SPRING1: variants seen among roughly 807,000 people sequenced by gnomAD.
The protein encoded by SPRING1 is SREBP regulating gene protein.
SPRING1 carries 14 observed loss-of-function variants against 24.7 expected under a neutral mutation model. The observed-to-expected ratio is 0.57, with a 90% CI of 0.37 to 0.88. The LOEUF (loss-of-function observed/expected upper bound fraction) is 0.88. Ranked by LOEUF, SPRING1 falls within the 40% of genes least tolerant of loss-of-function variation. The probability of loss-of-function intolerance (pLI) is 0.00; values close to 1 mark genes in which losing one functional copy is unlikely to be tolerated. For synonymous variants in SPRING1, 93 were observed against 106.1 expected, an observed-to-expected ratio of 0.88 and a Z score of 0.76; for missense variants, 255 against 268.4, an observed-to-expected ratio of 0.95 and a Z score of 0.35.
At position 116,726,222 on chromosome 12, in the gene SPRING1, G is replaced by A. The variant is rs117561409; in HGVS notation, c.112-2999C>T. ...CCTCTATAGATCAATATTAGGCCCA[G>A]GTTTTTGTTATCATAGATAATACTG... On this transcript the variant is annotated intron_variant, in intron 1 of 4. Transcript: ENST00000261318. Among the ~76,000 whole-genome samples, 1,482 of 152,258 alleles carry A rather than the reference G, an allele frequency of 9.7e-3. 12 individuals are homozygous for A. Among genetic ancestry groups the A allele is most frequent in the Middle Eastern group, 0.017 (5 of 294 alleles).
rs1555254868 is a variant in SPRING1 at position 116,711,028 on chromosome 12, C to CACGCAT, written c.*6781_*6782insATGCGT. ...TGTTACACACACACACACACACACA[C>CACGCAT]GCACACACAGAGCCAATGTATGGAA... On this transcript the variant is annotated 3_prime_UTR_variant, in exon 5 of 5. Coordinates refer to ENST00000261318, the MANE Select transcript of SPRING1 (RefSeq NM_024738.4). 1 of 151,766 alleles carries CACGCAT rather than the reference C, an allele frequency of 6.6e-6. No homozygotes were observed. The highest frequency in any genetic ancestry group is 1.5e-5 in the Non-Finnish European group (1 of 67,990). 9.4% of individuals were successfully genotyped at this position (151,766 alleles called of 1,614,324 possible).
intron 1 of SPRING1, 25 bp downstream of exon 1, chr12:116,737,765 G>C: frequency 6.5e-7 from 1 of 1,534,020 alleles, no homozygotes. Flanking sequence ...AAGGGAAGGG[G>C]AGGAGGGGAA....
At position 116,713,577 on chromosome 12, in the gene SPRING1, G is replaced by A. The variant is rs2137023885; in HGVS notation, c.*4233C>T. On this transcript the variant is annotated 3_prime_UTR_variant, in exon 5 of 5. Coordinates refer to ENST00000261318, the MANE Select transcript of SPRING1 (RefSeq NM_024738.4). ...ATACACACTAGGTGAATATATTGGT[G>A]AAAATAGTTCAGATAAACATACAAC... is the stretch of plus-strand genomic sequence containing the variant. 6.6e-6 allele frequency: 1 copy of A among 152,324 alleles called. No homozygotes were observed. The highest frequency in any genetic ancestry group is 2.1e-4 in the South Asian group (1 of 4,826). 9.4% of individuals were successfully genotyped at this position (152,324 alleles called of 1,614,324 possible).
At position 116,717,900 on chromosome 12, in the gene SPRING1, G is replaced by T. The variant is rs112311710; in HGVS notation, c.535-7C>A. 8.8e-6 allele frequency: 14 copies of T among 1,595,140 alleles called. No homozygotes were observed. The highest frequency in any genetic ancestry group is 5.4e-5 in the African/African-American group (4 of 74,482). ...TGTTCTCATGCTGCACGCTCTGTTG[G>T]CAAAAGGAAAATAAGAGCGCAGTGA... On this transcript the variant is annotated splice_region_variant and splice_polypyrimidine_tract_variant and intron_variant, in intron 4 of 4. Coordinates refer to ENST00000261318, the MANE Select transcript of SPRING1 (RefSeq NM_024738.4). This position sits in a 1 kb window ranked among gnomAD's most constrained non-coding sequence, Gnocchi z 4.2.
At chr12:116,734,144 TA>T (rs2137046949) in intron 1 of SPRING1, among the ~76,000 whole-genome samples, 1 of 152,346 alleles carries the variant, frequency 6.6e-6, no homozygotes, top group Admixed American at 6.5e-5. Flanking sequence ...CCCAAACTGC[TA>T]GGATTACAGG....
intron 1 of SPRING1, among the ~76,000 whole-genome samples, chr12:116,723,891 G>A (rs887328359): frequency 7.9e-5 from 12 of 152,152 alleles, no homozygotes; most frequent in African/African-American, 2.9e-4. Flanking sequence ...GGAGTCAAGA[G>A]TTGAAGATCA....
chr12:116,723,723 T>C (rs1167426705), intron 1 of SPRING1, among the ~76,000 whole-genome samples: 1 of 152,172 alleles, frequency 6.6e-6, no homozygotes, highest in East Asian at 1.9e-4. Flanking sequence ...GGAAGACGTT[T>C]GGGAAAACGT....
At chr12:116,722,937 G>A in intron 2 of SPRING1, 130 bp downstream of exon 2, 3 of 1,202,108 alleles carry the variant, frequency 2.5e-6, no homozygotes, top group Non-Finnish European at 3.5e-6. Flanking sequence ...ACAAAAACCT[G>A]GGGAATGTTG....
intron 4 of SPRING1, among the ~76,000 whole-genome samples, chr12:116,718,371 C>G (rs536117564): frequency 6.6e-6 from 1 of 152,206 alleles, no homozygotes; most frequent in East Asian, 1.9e-4. Context: ...CCTACAATAC[C>G]ATGCAAGCCT....
chr12:116,718,348 G>C (rs555112948), intron 4 of SPRING1, among the ~76,000 whole-genome samples: 1 of 152,296 alleles, frequency 6.6e-6, no homozygotes, highest in Non-Finnish European at 1.5e-5. Context: ...AAAATTTGGG[G>C]CATGAGCCAA....
At position 116,731,347 on chromosome 12, in the gene SPRING1, G is replaced by A. The variant is rs545901013; in HGVS notation, c.111+6443C>T. On this transcript the variant is annotated intron_variant, in intron 1 of 4. Transcript: ENST00000261318. ...TGAAAAAAGCAAATAACATTTTGTC[G>A]TTATTCTGAAAAGAATTCTGGCCTT... Among the ~76,000 whole-genome samples, 22 of 152,246 alleles carry A rather than the reference G, an allele frequency of 1.4e-4. 1 individual carries two copies. The South Asian group carries it at 3.9e-3, about 27-fold the overall frequency.
rs1051462855 is a variant in SPRING1, at chr12:116,720,896, C to T, written c.269-449G>A. 2.0e-5 allele frequency among the ~76,000 whole-genome samples: 3 copies of T among 152,234 alleles called. No homozygotes were observed. Among genetic ancestry groups the T allele is most frequent in the African/African-American group, 4.8e-5 (2 of 41,464 alleles). The stretch of plus-strand genomic sequence containing the variant: ...CCTTCTAGATTTAACAAACAAACCA[C>T]TCTTTACAAATATCTTTCAGATGCT... On this transcript the variant is annotated intron_variant, in intron 2 of 4. Coordinates refer to ENST00000261318, the MANE Select transcript of SPRING1 (RefSeq NM_024738.4). The surrounding 1 kb of genome is among the most constrained non-coding windows in gnomAD (Gnocchi z 4.0).
chr12:116,737,994 C>A lies in SPRING1; in HGVS notation c.-94G>T. 8.5e-7 allele frequency: 1 copy of A among 1,170,960 alleles called. No individual in the cohort carries two copies. Among genetic ancestry groups the A allele is most frequent in the Non-Finnish European group, 1.1e-6 (1 of 944,298 alleles). 72.5% of individuals were successfully genotyped at this position (1,170,960 alleles called of 1,614,324 possible). ...GCCCCTACGCGCCCGGCAGCCCCAT[C>A]CCTCCAGGCAGGCGCCGGCCCCGCC... On this transcript the variant is annotated 5_prime_UTR_variant, in exon 1 of 5. Transcript: ENST00000261318.
intron 1 of SPRING1, among the ~76,000 whole-genome samples, chr12:116,735,613 T>C (rs1323438978): frequency 6.6e-6 from 1 of 151,966 alleles, no homozygotes; most frequent in South Asian, 2.1e-4. Flanking sequence ...ATGCCTGTAA[T>C]CCCAGCTACT....
chr12:116,736,039 T>TA (rs34397599), intron 1 of SPRING1, among the ~76,000 whole-genome samples: 372 of 35,588 alleles, frequency 0.01, 5 homozygotes, highest in African/African-American at 0.036. Context: ...ACTCAGTCTT[T>TA]AAAAAAAAAA....
rs1355702057 is a variant in SPRING1, at chr12:116,728,455, C to T, written c.112-5232G>A. 6.6e-6 allele frequency among the ~76,000 whole-genome samples: 1 copy of T among 152,146 alleles called. No individual in the cohort carries two copies. Among genetic ancestry groups the T allele is most frequent in the Admixed American group, 6.5e-5 (1 of 15,274 alleles). ...TACCATTCACCATTCCCAACCCTCC[C>T]CTCAATGGCATCCCCACCATCATCA... On this transcript the variant is annotated intron_variant, in intron 1 of 4. Transcript: ENST00000261318. The surrounding 1 kb of genome is among the most constrained non-coding windows in gnomAD (Gnocchi z 4.2).
At position 116,737,993 on chromosome 12, in the gene SPRING1, T is replaced by C. The variant is rs1344968444; in HGVS notation, c.-93A>G. 17 of 1,176,180 alleles carry C rather than the reference T, an allele frequency of 1.4e-5. No individual in the cohort carries two copies. The highest frequency in any genetic ancestry group is 3.6e-4 in the Middle Eastern group (1 of 2,814). 72.9% of individuals were successfully genotyped at this position (1,176,180 alleles called of 1,614,324 possible). ...GGCCCCTACGCGCCCGGCAGCCCCA[T>C]CCCTCCAGGCAGGCGCCGGCCCCGC... On this transcript the variant is annotated 5_prime_UTR_variant, in exon 1 of 5. It removes an upstream start codon present in the reference 5' UTR. Transcript: ENST00000261318.
At chr12:116,735,180 A>G (rs1271813555) in intron 1 of SPRING1, among the ~76,000 whole-genome samples, 1 of 152,212 alleles carries the variant, frequency 6.6e-6, no homozygotes, top group Non-Finnish European at 1.5e-5. Context: ...AATGCCACTG[A>G]GCGAGACTGG....
Position 116,720,530 on chromosome 12 carries a change from A to G in SPRING1, c.269-83T>C. The G allele has an allele frequency of 1.9e-6, 3 of 1,545,852 alleles. No homozygotes were observed. The highest frequency in any genetic ancestry group is 2.6e-6 in the Non-Finnish European group (3 of 1,136,224). On this transcript the variant is annotated intron_variant, in intron 2 of 4. Coordinates refer to ENST00000261318, the MANE Select transcript of SPRING1 (RefSeq NM_024738.4). The surrounding 1 kb of genome is among the most constrained non-coding windows in gnomAD (Gnocchi z 4.0). ...GGGATGACCATGAAGCAGCAGTGAA[A>G]GTACACAGACAGAAGCTGGAGTCTG...
Sources: gnomAD v4.1 joint callset for allele counts (sites outside exome capture counted in the v4.1 genomes callset) on GRCh38, gnomAD v4.1.1 for gene constraint, Gnocchi (gnomAD v3.1) non-coding constraint, MANE v1.5 for transcripts, NCBI Gene and HGNC (gene_info 2026-07-23, HGNC 2026-07-21) for gene names.